PTPRU: variants seen among roughly 807,000 people sequenced by gnomAD.
PTPRU encodes protein tyrosine phosphatase receptor type U.
In PTPRU, 69 loss-of-function variants were observed where a neutral mutation model predicts 166.3. The observed-to-expected ratio is 0.41, with a 90% CI of 0.34 to 0.51. The LOEUF (loss-of-function observed/expected upper bound fraction) is 0.51. Among genes scored for constraint, PTPRU ranks in the 20% least tolerant of loss-of-function variants. The pLI is 0.09. For missense variants in PTPRU, 1,657 were observed against 2,013.7 expected, an observed-to-expected ratio of 0.82 and a Z score of 3.39; for synonymous variants, 793 against 814.0, an observed-to-expected ratio of 0.97 and a Z score of 0.44.
At chr1:29,308,566 C>CAAA (rs754278193) in intron 18 of PTPRU, among the ~76,000 whole-genome samples, 6,141 of 79,522 alleles carry the variant, frequency 0.077, 850 homozygotes, top group African/African-American at 0.26. Context: ...GTCCCTGTCT[C>CAAA]AAAAAAAAAA....
chr1:29,241,161 C>A (rs1329134370), intron 1 of PTPRU, among the ~76,000 whole-genome samples: 1 of 152,092 alleles, frequency 6.6e-6, no homozygotes, highest in African/African-American at 2.4e-5. Context: ...TGCTTTGACC[C>A]CTGGGGAGCC....
intron 14 of PTPRU, among the ~76,000 whole-genome samples, chr1:29,286,772 ATGT>A (rs940490863): frequency 2.0e-5 from 3 of 152,030 alleles, no homozygotes; most frequent in East Asian, 3.9e-4. Context: ...TGGATCAGAA[ATGT>A]TGTCAGGGCC....
rs201996423 is a variant in PTPRU at position 29,293,471 on chromosome 1, G to GTT, written c.2476+1450_2476+1451dup. On this transcript the variant is annotated intron_variant, in intron 15 of 29. Coordinates refer to ENST00000373779, the MANE Select transcript of PTPRU (RefSeq NM_133178.4). ...AATTTTCCTACCTTTTTCGGGGGTA[G>GTT]TTTTTTGTTTTTTTTTTTTTTGAGA... Among the ~76,000 whole-genome samples, 150 of 135,336 alleles carry GTT rather than the reference G, an allele frequency of 1.1e-3. 1 individual carries two copies. The highest frequency in any genetic ancestry group is 3.4e-3 in the African/African-American group (110 of 32,576). The allele number at this position is 135,336 out of a possible 152,430, so 88.8% of individuals were successfully genotyped here. A position where few individuals can be genotyped will look rare whatever the true frequency, so the allele number is the denominator to read the frequency against.
Position 29,247,185 on chromosome 1 carries a change from C to T in PTPRU, c.74-8090C>T, listed in dbSNP as rs191607047. On this transcript the variant is annotated intron_variant, in intron 1 of 29. Transcript: ENST00000373779. ...AACTAGTAAGGCTTAAACTTACCAT[C>T]TTGGCATTCCTCCATACACCTATCA... is the stretch of plus-strand genomic sequence containing the variant. 1.1e-4 allele frequency among the ~76,000 whole-genome samples: 17 copies of T among 152,372 alleles called. 1 individual carries two copies. In the Middle Eastern group the frequency reaches 0.017, roughly 152 times the overall value.
Position 29,317,445 on chromosome 1 carries a change from T to G in PTPRU, c.3514-303T>G, listed in dbSNP as rs1426241308. On this transcript the variant is annotated intron_variant, in intron 24 of 29. Transcript: ENST00000373779. This position sits in a 1 kb window ranked among gnomAD's most constrained non-coding sequence, Gnocchi z 5.6. ...TCACTTTGGCCTCCCAGCAGCCCCA[T>G]GAAGTAGGCATATTACTTCCCTATT... 6.6e-6 allele frequency among the ~76,000 whole-genome samples: 1 copy of G among 152,108 alleles called. No individual in the cohort carries two copies. Among genetic ancestry groups the G allele is most frequent in the African/African-American group, 2.4e-5 (1 of 41,426 alleles).
At chr1:29,272,735 T>C (rs1249745042) in intron 7 of PTPRU, among the ~76,000 whole-genome samples, 2 of 151,622 alleles carry the variant, frequency 1.3e-5, no homozygotes, top group African/African-American at 4.8e-5. Context: ...AGCAAGACCC[T>C]GTCTCTACAA....
At chr1:29,274,282 G>A (rs946960145) in intron 7 of PTPRU, among the ~76,000 whole-genome samples, 9 of 151,508 alleles carry the variant, frequency 5.9e-5, no homozygotes, top group South Asian at 2.1e-4. Context: ...CTTGTGATCC[G>A]CCTGCCTCGG....
In PTPRU at chr1:29,317,992, C is replaced by T. The variant is rs532459843; in HGVS notation, c.3687+71C>T. ...AGCATCAGGGAAGGTCCAGGGGCCA[C>T]GGGAACAAAGCTGAAGGCTCTGTTG... On this transcript the variant is annotated intron_variant, in intron 25 of 29. Transcript: ENST00000373779. This position sits in a 1 kb window ranked among gnomAD's most constrained non-coding sequence, Gnocchi z 5.6. The T allele has an allele frequency of 3.5e-5, 54 of 1,556,820 alleles. No individual in the cohort carries two copies. The highest frequency in any genetic ancestry group is 1.7e-4 in the Middle Eastern group (1 of 5,904).
intron 15 of PTPRU, among the ~76,000 whole-genome samples, chr1:29,297,658 G>A (rs1291872349): frequency 6.6e-6 from 1 of 152,202 alleles, no homozygotes; most frequent in East Asian, 1.9e-4. Context: ...TCCAGTGGGT[G>A]CTAGAGAGAG....
In PTPRU at chr1:29,260,156, T is replaced by G; in HGVS notation, c.850+112T>G. The stretch of plus-strand genomic sequence containing the variant: ...GCCGTGGGGGGTGGGGCCGGCAGGG[T>G]GTCGCTGGGGCGCTATCTGAAGATG... On this transcript the variant is annotated intron_variant, in intron 6 of 29. Coordinates refer to ENST00000373779, the MANE Select transcript of PTPRU (RefSeq NM_133178.4). This position sits in a 1 kb window ranked among gnomAD's most constrained non-coding sequence, Gnocchi z 8.3. 1.7e-6 allele frequency: 2 copies of G among 1,168,198 alleles called. No homozygotes were observed. Among genetic ancestry groups the G allele is most frequent in the Non-Finnish European group, 2.2e-6 (2 of 902,608 alleles). 72.4% of individuals were successfully genotyped at this position (1,168,198 alleles called of 1,614,324 possible).
chr1:29,284,403 C>G (rs1436990347), intron 13 of PTPRU, among the ~76,000 whole-genome samples: 1 of 152,122 alleles, frequency 6.6e-6, no homozygotes, highest in Non-Finnish European at 1.5e-5. Flanking sequence ...TTCCTAATCC[C>G]TGTTACCTCC....
intron 18 of PTPRU, 75 bp from the exon 19 acceptor site, chr1:29,310,669 G>GGGAGGGTAGA: frequency 6.8e-7 from 1 of 1,470,910 alleles, no homozygotes; most frequent in Non-Finnish European, 9.5e-7. Flanking sequence ...CTGCTGGGAG[G>GGGAGGGTAGA]GGAGGGTAGA....
intron 1 of PTPRU, among the ~76,000 whole-genome samples, chr1:29,252,784 C>G (rs1219153993): frequency 1.3e-5 from 2 of 152,234 alleles, no homozygotes; most frequent in Admixed American, 6.5e-5. Flanking sequence ...CCCACCACCA[C>G]AGCAGCAGTC....
chr1:29,238,765 A>C lies in PTPRU; in HGVS notation c.73+2048A>C, dbSNP rs898391744. On this transcript the variant is annotated intron_variant, in intron 1 of 29. Coordinates refer to ENST00000373779, the MANE Select transcript of PTPRU (RefSeq NM_133178.4). The surrounding 1 kb of genome is among the most constrained non-coding windows in gnomAD (Gnocchi z 6.1). ...TGAAATCAAACCCGCGGGGTTCTGT[A>C]TGCGCCCCATCCCCGCTCCTACCAC... 4.0e-5 allele frequency among the ~76,000 whole-genome samples: 6 copies of C among 151,578 alleles called. No individual in the cohort carries two copies. Among genetic ancestry groups the C allele is most frequent in the African/African-American group, 1.5e-4 (6 of 41,224 alleles).
At chr1:29,248,855 C>T (rs563965770) in intron 1 of PTPRU, among the ~76,000 whole-genome samples, 8 of 152,278 alleles carry the variant, frequency 5.3e-5, no homozygotes, top group Middle Eastern at 3.4e-3. Context: ...GGCTTCACAG[C>T]GCCTGCCCGG....
rs747519151 is a variant in PTPRU, at chr1:29,311,417, C to G, written c.2858-39C>G. On this transcript the variant is annotated intron_variant, in intron 19 of 29. Transcript: ENST00000373779. The surrounding 1 kb of genome is among the most constrained non-coding windows in gnomAD (Gnocchi z 4.1). ...GGATGTGCTGACCTGGGGTGGAGAC[C>G]TTGTCTCAGGGACAGGCACCCTCTG... The G allele has an allele frequency of 2.5e-6, 4 of 1,603,890 alleles. No individual in the cohort carries two copies. The highest frequency in any genetic ancestry group is 3.3e-5 in the Admixed American group (2 of 59,966).
At chr1:29,325,130 G>T (rs1221754015) in intron 28 of PTPRU, 61 bp from the exon 29 acceptor site, 1 of 1,603,176 alleles carries the variant, frequency 6.2e-7, no homozygotes, top group Non-Finnish European at 8.5e-7. Flanking sequence ...TGGTTCCCTG[G>T]CCCTTTTCTT....
chr1:29,279,805 G>A lies in PTPRU; in HGVS notation c.1765+148G>A, dbSNP rs763001468. Reference sequence around the variant, plus strand: ...TATGCCATTTAGGAGTTAAAGTCAGGCTCAGGGAGGATGAAGTCAGAGGAG... The same window carrying A: ...TATGCCATTTAGGAGTTAAAGTCAGACTCAGGGAGGATGAAGTCAGAGGAG... On this transcript the variant is annotated intron_variant, in intron 10 of 29. Transcript: ENST00000373779. The surrounding 1 kb of genome is among the most constrained non-coding windows in gnomAD (Gnocchi z 5.2). 4.0e-5 allele frequency: 43 copies of A among 1,079,896 alleles called. No individual in the cohort carries two copies. Among genetic ancestry groups the A allele is most frequent in the Non-Finnish European group, 5.1e-5 (38 of 746,710 alleles). The allele number at this position is 1,079,896 out of a possible 1,614,324, so 66.9% of individuals were successfully genotyped here.
intron 18 of PTPRU, among the ~76,000 whole-genome samples, chr1:29,310,008 G>A (rs1687574392): frequency 1.3e-5 from 2 of 152,296 alleles, no homozygotes; most frequent in South Asian, 4.1e-4. Flanking sequence ...CTGTGGCCCT[G>A]GGGTGGCTTG....
Sources: gnomAD v4.1 joint callset for allele counts (sites outside exome capture counted in the v4.1 genomes callset) on GRCh38, gnomAD v4.1.1 for gene constraint, Gnocchi (gnomAD v3.1) non-coding constraint, MANE v1.5 for transcripts, NCBI Gene and HGNC (gene_info 2026-07-23, HGNC 2026-07-21) for gene names.